The following ZNF410 variants were observed in gnomAD, a reference collection of about 807,000 sequenced individuals.
The protein encoded by ZNF410 is zinc finger protein 410.
In ZNF410, 18 loss-of-function variants were observed where a neutral mutation model predicts 54.8. The ratio of observed to expected loss-of-function variants is 0.33; its 90% CI spans 0.23 to 0.49. ZNF410 has a LOEUF of 0.49. Ranked by LOEUF, ZNF410 falls within the 20% of genes least tolerant of loss-of-function variation. The pLI is 0.99. For synonymous variants in ZNF410, 191 were observed against 207.3 expected, an observed-to-expected ratio of 0.92 and a Z score of 0.68; for missense variants, 405 against 569.6, an observed-to-expected ratio of 0.71 and a Z score of 2.94.
intron 11 of ZNF410, chr14:73,924,860 G>A (rs1349721391): frequency 3.0e-6 from 1 of 332,996 alleles, no homozygotes; most frequent in African/African-American, 2.2e-5. Flanking sequence ...TGTATTTTTA[G>A]TAGAGACAGG....
intron 5 of ZNF410, among the ~76,000 whole-genome samples, chr14:73,899,697 G>A (rs1006414594): frequency 6.6e-6 from 1 of 152,156 alleles, no homozygotes; most frequent in Non-Finnish European, 1.5e-5. Flanking sequence ...CCTGCCTTGG[G>A]CAGTTTAACC....
At chr14:73,911,633 A>T (rs568020089) in intron 8 of ZNF410, among the ~76,000 whole-genome samples, 7 of 151,764 alleles carry the variant, frequency 4.6e-5, no homozygotes, top group Non-Finnish European at 5.9e-5. Flanking sequence ...AAGTAGAGAA[A>T]TTTTTTTTTA....
chr14:73,897,074 C>T (rs2055329031), intron 4 of ZNF410, among the ~76,000 whole-genome samples: 1 of 152,000 alleles, frequency 6.6e-6, no homozygotes, highest in Non-Finnish European at 1.5e-5. Context: ...AGAGTGGTAG[C>T]AGGGAAGCCA....
intron 9 of ZNF410, chr14:73,921,323 A>G (rs771711240): frequency 4.3e-6 from 2 of 468,316 alleles, no homozygotes; most frequent in Non-Finnish European, 7.3e-6. Flanking sequence ...CCGCCCACCA[A>G]TAAAACAAAG....
intron 8 of ZNF410, chr14:73,916,656 G>C (rs2055671749): frequency 6.6e-6 from 1 of 152,078 alleles, no homozygotes; most frequent in African/African-American, 2.4e-5. Flanking sequence ...CACAGTCTGG[G>C]TGCCATGTGC....
intron 2 of ZNF410, among the ~76,000 whole-genome samples, chr14:73,892,661 G>T (rs2055250007): frequency 1.3e-5 from 2 of 152,108 alleles, no homozygotes; most frequent in African/African-American, 4.8e-5. Flanking sequence ...TAGCACATCT[G>T]TGTTGCAGAG....
chr14:73,915,047 G>A (rs1327784443), intron 8 of ZNF410, among the ~76,000 whole-genome samples: 2 of 151,196 alleles, frequency 1.3e-5, no homozygotes, highest in Non-Finnish European at 2.9e-5. Context: ...CAGATCACCT[G>A]AGGCCAGGAG....
At position 73,904,975 on chromosome 14, in the gene ZNF410, C is replaced by T. The variant is rs780918363; in HGVS notation, c.805C>T (p.His269Tyr). Residue 269 changes from histidine (H) to tyrosine (Y), a missense_variant, in exon 7 of 12, where the codon CAC becomes TAC. His to Tyr is a moderately conservative substitution (Grantham distance 83, BLOSUM62 2). This residue lies in a region of ZNF410 where 247 missense variants were observed against 342.8 expected (regional missense o/e 0.72). Transcript: ENST00000555044. Reference sequence around the variant, plus strand: ...CTATGTGCTGCAGAGGCTGAAGGTGCACATGAGGACCCACAATGGAGAGAA... The same window carrying T: ...CTATGTGCTGCAGAGGCTGAAGGTGTACATGAGGACCCACAATGGAGAGAA... ...SFYVLQRLKVHMRTHNGEKPF... is the reference protein window; with the variant it reads ...SFYVLQRLKVYMRTHNGEKPF... 1 of 1,614,186 alleles carries T rather than the reference C, an allele frequency of 6.2e-7. No homozygotes were observed. The highest frequency in any genetic ancestry group is 8.5e-7 in the Non-Finnish European group (1 of 1,180,044).
chr14:73,892,774 T>G (rs1159687746), intron 2 of ZNF410, among the ~76,000 whole-genome samples: 2 of 152,094 alleles, frequency 1.3e-5, no homozygotes. Context: ...TCAATTTTAT[T>G]CCTCAGCTGT....
chr14:73,911,897 G>A (rs1046316947), intron 8 of ZNF410, among the ~76,000 whole-genome samples: 3 of 152,142 alleles, frequency 2.0e-5, no homozygotes, highest in Non-Finnish European at 4.4e-5. Context: ...AACAGAGTCA[G>A]TTGACTCCTA....
Position 73,904,885 on chromosome 14 carries a change from T to G in ZNF410, c.732-17T>G, listed in dbSNP as rs762267936. 1 of 1,611,286 alleles carries G rather than the reference T, an allele frequency of 6.2e-7. No homozygotes were observed. The highest frequency in any genetic ancestry group is 8.5e-7 in the Non-Finnish European group (1 of 1,178,700). On this transcript the variant is annotated splice_polypyrimidine_tract_variant and intron_variant, in intron 6 of 11. Transcript: ENST00000555044. ...GAGTGTTTTCAGATATTTTTCCTTA[T>G]GTGATTATTTTTGCAGAAATGACCG...
intron 10 of ZNF410, 172 bp downstream of exon 10, chr14:73,922,378 A>AT: frequency 1.4e-5 from 9 of 633,692 alleles, no homozygotes; most frequent in East Asian, 3.4e-5. Flanking sequence ...TTTAAAAAAA[A>AT]ATTTTTTTTC....
At position 73,924,912 on chromosome 14, in the gene ZNF410, C is replaced by T. The variant is rs184571270; in HGVS notation, c.1398+1390C>T. The stretch of plus-strand genomic sequence containing the variant: ...CAGGATGGTCTCGATCTCTTGACCT[C>T]GTGATCTGCCCACCTCAGCCTCCCA... On this transcript the variant is annotated intron_variant, in intron 11 of 11. Transcript: ENST00000555044. 114 of 303,422 alleles carry T rather than the reference C, an allele frequency of 3.8e-4. 1 individual carries two copies. The highest frequency in any genetic ancestry group is 1.3e-3 in the Middle Eastern group (1 of 798). The allele number at this position is 303,422 out of a possible 1,614,324, so 18.8% of individuals were successfully genotyped here. A position where few individuals can be genotyped will look rare whatever the true frequency, so the allele number is the denominator to read the frequency against.
At position 73,892,066 on chromosome 14, in the gene ZNF410, A is replaced by C; in HGVS notation, c.-110A>C. 1 of 1,204,938 alleles carries C rather than the reference A, an allele frequency of 8.3e-7. No homozygotes were observed. The highest frequency in any genetic ancestry group is 1.2e-6 in the Non-Finnish European group (1 of 807,118). The allele number at this position is 1,204,938 out of a possible 1,614,324, so 74.6% of individuals were successfully genotyped here. On this transcript the variant is annotated 5_prime_UTR_variant, in exon 2 of 12. Transcript: ENST00000555044. ...CCACCTAGTACAACATCTTACGGGAAGAGCATAGTATTTCCTAGAGGAATA... is the reference window on the plus strand; with the variant it reads ...CCACCTAGTACAACATCTTACGGGACGAGCATAGTATTTCCTAGAGGAATA...
Position 73,922,085 on chromosome 14 carries a change from T to C in ZNF410, c.1149T>C (p.Ser383=), listed in dbSNP as rs1480396027. ...GTGCAGCTGAGCCACTAATGGGCAG[T>C]AGTTTGCTTGAAGAGGCTTCAGTAC... ...QEQTAEPLMG[S]SLLEEASVPS... Residue 383 remains serine (S), a synonymous_variant, in exon 10 of 12, where the codon AGT becomes AGC. Coordinates refer to ENST00000555044, the MANE Select transcript of ZNF410 (RefSeq NM_021188.3). The C allele has an allele frequency of 3.1e-6, 5 of 1,614,128 alleles. No homozygotes were observed. The highest frequency in any genetic ancestry group is 4.2e-6 in the Non-Finnish European group (5 of 1,180,026).
intron 7 of ZNF410, among the ~76,000 whole-genome samples, chr14:73,909,129 C>T (rs548279573): frequency 1.2e-4 from 19 of 152,244 alleles, no homozygotes; most frequent in African/African-American, 4.3e-4. Context: ...GGCTTACATT[C>T]CAAGGAAAAG....
At position 73,904,908 on chromosome 14, in the gene ZNF410, C is replaced by G. The variant is rs2055458535; in HGVS notation, c.738C>G (p.Asp246Glu). 4.3e-6 allele frequency: 7 copies of G among 1,611,914 alleles called. No individual in the cohort carries two copies. The highest frequency in any genetic ancestry group is 5.9e-6 in the Non-Finnish European group (7 of 1,179,380). Reference sequence around the variant, plus strand: ...TATGTGATTATTTTTGCAGAAATGACCGCTCCTTCATCTGTCCTGCAGAAG... The same window carrying G: ...TATGTGATTATTTTTGCAGAAATGAGCGCTCCTTCATCTGTCCTGCAGAAG... ...FKYHLKTHRNDRSFICPAEGC... is the reference protein window; with the variant it reads ...FKYHLKTHRNERSFICPAEGC... Residue 246 changes from aspartate (D) to glutamate (E), a missense_variant, in exon 7 of 12, where the codon GAC becomes GAG. By Grantham distance (45) the Asp-to-Glu change is conservative. Coordinates refer to ENST00000555044, the MANE Select transcript of ZNF410 (RefSeq NM_021188.3).
rs1407386793 is a variant in ZNF410, at chr14:73,930,655, T to C, written c.1399-848T>C. Among the ~76,000 whole-genome samples, 5 of 151,530 alleles carry C rather than the reference T, an allele frequency of 3.3e-5. 1 individual carries two copies. The South Asian group carries it at 1.0e-3, about 32-fold the overall frequency. ...GTCTGTCACTCAGGCTGGAGTGCAG[T>C]GCAGTGGCATGATCATAGCTCACTG... On this transcript the variant is annotated intron_variant, in intron 11 of 11. Coordinates refer to ENST00000555044, the MANE Select transcript of ZNF410 (RefSeq NM_021188.3).
chr14:73,929,738 G>A (rs1156807048), intron 11 of ZNF410, among the ~76,000 whole-genome samples: 4 of 151,800 alleles, frequency 2.6e-5, no homozygotes, highest in Non-Finnish European at 1.5e-5. Flanking sequence ...GATCACTTGG[G>A]CCCAGGAAGT....
Sources: gnomAD v4.1 joint callset for allele counts (sites outside exome capture counted in the v4.1 genomes callset) on GRCh38, gnomAD v4.1.1 for gene constraint, gnomAD v4.1.1 regional missense constraint, MANE v1.5 for transcripts, NCBI Gene and HGNC (gene_info 2026-07-23, HGNC 2026-07-21) for gene names.